The following CELF2 variants were observed in gnomAD, a reference collection of about 807,000 sequenced individuals.
CELF2 encodes the protein CUG triplet repeat RNA-binding protein 2.
Under a neutral mutation model 62.6 loss-of-function variants are expected in CELF2, and 8 were observed. That is an observed-to-expected ratio of 0.13 (90% CI 0.07 to 0.23). The LOEUF (loss-of-function observed/expected upper bound fraction) is 0.23, where lower values mean the gene tolerates loss of function less well. CELF2 is among the 10% of genes least tolerant of loss of function. The pLI, the probability that CELF2 is intolerant of heterozygous loss-of-function variation, is 1.00. For synonymous variants in CELF2, 258 were observed against 250.0 expected (o/e 1.03, Z -0.30); for missense variants, 333 against 671.0 (o/e 0.50, Z 5.56).
chr10:11,055,172 TG>T lies in CELF2; in HGVS notation c.74+37012del, dbSNP rs2064951175. ...CCAGAATAACTGGAAAACAAGTTGA[TG>T]GGACAGATATTAACTGATACTTCAC... On this transcript the variant is annotated intron_variant, in intron 1 of 12. Coordinates refer to ENST00000633077, the MANE Select transcript of CELF2 (RefSeq NM_001326342.2). Among the ~76,000 whole-genome samples the T allele has an allele frequency of 2.0e-5, 3 of 152,380 alleles. No homozygotes were observed. In the South Asian group the frequency reaches 6.2e-4, roughly 32 times the overall value.
intron 2 of CELF2, among the ~76,000 whole-genome samples, chr10:10,971,542 G>T (rs1157750480): frequency 1.3e-5 from 2 of 152,174 alleles, no homozygotes; most frequent in Admixed American, 1.3e-4. Context: ...TCTGGAAAGA[G>T]TCATCCACAT....
At chr10:11,209,566 T>C (rs895967681) in intron 2 of CELF2, among the ~76,000 whole-genome samples, 1 of 138,732 alleles carries the variant, frequency 7.2e-6, no homozygotes, top group African/African-American at 2.6e-5. Flanking sequence ...AAAGGACTAC[T>C]CTTTTTTTTT....
intron 2 of CELF2, among the ~76,000 whole-genome samples, chr10:10,929,083 C>G (rs2065818901): frequency 6.6e-6 from 1 of 152,160 alleles, no homozygotes; most frequent in Admixed American, 6.6e-5. Context: ...CCTTCTCTCA[C>G]CCTTCTCACT....
chr10:10,599,730 T>G, the CELF2 span, among the ~76,000 whole-genome samples: 8 of 150,210 alleles, frequency 5.3e-5, no homozygotes, highest in African/African-American at 1.7e-4. Flanking sequence ...TCTTTCTTTT[T>G]TTTTTTTTTT....
At chr10:10,551,499 C>T in the CELF2 span, among the ~76,000 whole-genome samples, 7 of 151,788 alleles carry the variant, frequency 4.6e-5, no homozygotes, top group Non-Finnish European at 7.4e-5. Flanking sequence ...TGGACCCCCT[C>T]CCCCCCAGTC....
In CELF2 at chr10:11,036,619, G is replaced by T. The variant is rs184648819; in HGVS notation, c.74+18456G>T. ...AAATGGGAATCATACTTGGCTCTGG[G>T]TTGCCACCTGGTGGTGTATTGATCC... is the stretch of plus-strand genomic sequence containing the variant. On this transcript the variant is annotated intron_variant, in intron 1 of 12. Coordinates refer to ENST00000633077, the MANE Select transcript of CELF2 (RefSeq NM_001326342.2). 1.6e-3 allele frequency among the ~76,000 whole-genome samples: 247 copies of T among 152,254 alleles called. 5 individuals carry two copies. The highest frequency in any genetic ancestry group is 5.3e-4 in the Non-Finnish European group (36 of 68,028).
chr10:10,524,968 A>T, the CELF2 span, among the ~76,000 whole-genome samples: 1 of 152,170 alleles, frequency 6.6e-6, no homozygotes, highest in African/African-American at 2.4e-5. Flanking sequence ...GAGGGTTCTT[A>T]GATTATAGTG....
rs114951447 is a variant in CELF2 at position 10,815,975 on chromosome 10, C to T, written c.53+17158C>T. On this transcript the variant is annotated intron_variant, in intron 1 of 13. Coordinates refer to the CELF2 transcript ENST00000636488. ...TCATCGTTTCTTATTTTTTGGCAGACGATGTTTTATCTTCGTGAAAACAGT... is the reference window on the plus strand; with the variant it reads ...TCATCGTTTCTTATTTTTTGGCAGATGATGTTTTATCTTCGTGAAAACAGT... Among the ~76,000 whole-genome samples the T allele has an allele frequency of 1.3e-3, 195 of 148,112 alleles. 1 individual carries two copies. The highest frequency in any genetic ancestry group is 4.7e-3 in the African/African-American group (189 of 40,116).
chr10:10,766,851 T>C, the CELF2 span, among the ~76,000 whole-genome samples: 1 of 152,222 alleles, frequency 6.6e-6, no homozygotes, highest in Admixed American at 6.5e-5. Context: ...ACAGGCTTTG[T>C]ACCCACTCAC....
chr10:10,700,924 T>C, the CELF2 span, among the ~76,000 whole-genome samples: 2 of 152,130 alleles, frequency 1.3e-5, no homozygotes, highest in Non-Finnish European at 2.9e-5. Flanking sequence ...AGATTGGAGG[T>C]GACCTCTGAC....
intron 1 of CELF2, among the ~76,000 whole-genome samples, chr10:10,835,937 G>A (rs938385917): frequency 1.3e-5 from 2 of 152,164 alleles, no homozygotes; most frequent in East Asian, 1.9e-4. Flanking sequence ...AGTGATGGTA[G>A]TGCCGTTTAT....
the CELF2 span, among the ~76,000 whole-genome samples, chr10:10,787,386 AC>A: frequency 6.6e-6 from 1 of 152,208 alleles, no homozygotes; most frequent in Non-Finnish European, 1.5e-5. Context: ...TTCATTTAAT[AC>A]TTTTAAAAAC....
chr10:10,688,975 G>C, the CELF2 span, among the ~76,000 whole-genome samples: 1 of 151,936 alleles, frequency 6.6e-6, no homozygotes, highest in Admixed American at 6.5e-5. Context: ...CTGCACCCCA[G>C]GCTGGGCAAC....
At chr10:10,589,556 G>T in the CELF2 span, among the ~76,000 whole-genome samples, 1 of 152,156 alleles carries the variant, frequency 6.6e-6, no homozygotes, top group Non-Finnish European at 1.5e-5. Flanking sequence ...CTCAGTCTGA[G>T]CTAGGTAGCT....
At chr10:11,185,394 T>A (rs1565158372) in intron 2 of CELF2, among the ~76,000 whole-genome samples, 1 of 152,144 alleles carries the variant, frequency 6.6e-6, no homozygotes, top group Non-Finnish European at 1.5e-5. Flanking sequence ...TAAGTCTTAC[T>A]TGGTCATGAT....
chr10:11,074,337 T>C (rs549525266), intron 1 of CELF2, among the ~76,000 whole-genome samples: 1 of 152,360 alleles, frequency 6.6e-6, no homozygotes, highest in African/African-American at 2.4e-5. Context: ...AAGGGATTTT[T>C]TAAAAACAGC....
the CELF2 span, among the ~76,000 whole-genome samples, chr10:10,758,864 A>T: frequency 6.6e-6 from 1 of 152,190 alleles, no homozygotes; most frequent in Non-Finnish European, 1.5e-5. Context: ...TTTGCCTGAC[A>T]TATGCCTCAC....
At chr10:10,605,284 G>A in the CELF2 span, among the ~76,000 whole-genome samples, 7 of 152,208 alleles carry the variant, frequency 4.6e-5, no homozygotes, top group South Asian at 2.1e-4. Flanking sequence ...GGTGGGGTTC[G>A]GGGAGGGAGA....
At chr10:10,495,395 T>C in the CELF2 span, among the ~76,000 whole-genome samples, 4 of 152,212 alleles carry the variant, frequency 2.6e-5, no homozygotes, top group Admixed American at 1.3e-4. Flanking sequence ...CCATGATGTA[T>C]GTGGACAGAA....
Sources: allele counts gnomAD v4.1 joint callset (sites outside exome capture counted in the v4.1 genomes callset), GRCh38; gene constraint gnomAD v4.1.1; transcripts MANE v1.5; gene names NCBI Gene and HGNC (gene_info 2026-07-23, HGNC 2026-07-21).